BAZ1A: variants seen among roughly 807,000 people sequenced by gnomAD.
BAZ1A encodes the protein bromodomain adjacent to zinc finger domain protein 1A.
BAZ1A carries 50 observed loss-of-function variants against 185.2 expected under a neutral mutation model. The observed-to-expected ratio is 0.27, with a 90% CI of 0.22 to 0.34. The LOEUF is 0.34. Ranked by LOEUF, BAZ1A falls within the 10% of genes least tolerant of loss-of-function variation. The probability of loss-of-function intolerance (pLI) is 1.00; values close to 1 mark genes in which losing one functional copy is unlikely to be tolerated. For synonymous variants in BAZ1A, 571 were observed against 615.6 expected (o/e 0.93, Z 1.07); for missense variants, 1,356 against 1,839.9 (o/e 0.74, Z 4.81).
Position 34,787,893 on chromosome 14 carries a change from TTC to T in BAZ1A, c.1511-1674_1511-1673del, listed in dbSNP as rs1034703141. Among the ~76,000 whole-genome samples the T allele has an allele frequency of 5.3e-4, 81 of 152,328 alleles. 1 individual carries two copies. The highest frequency in any genetic ancestry group is 1.8e-3 in the African/African-American group (76 of 41,576). ...CAAAATGTCAAGCTATGAAAAACCC[TTC>T]TGTTATATCATAGTACAGTGTACAC... is the stretch of plus-strand genomic sequence containing the variant. On this transcript the variant is annotated intron_variant, in intron 12 of 26. Transcript: ENST00000360310.
chr14:34,755,786 G>A (rs1594802441), intron 25 of BAZ1A, among the ~76,000 whole-genome samples: 1 of 150,488 alleles, frequency 6.6e-6, no homozygotes, highest in African/African-American at 2.4e-5. Flanking sequence ...GTTTGATTAG[G>A]CCATCACTGT....
chr14:34,796,177 C>CACAT (rs1276025621), intron 9 of BAZ1A, among the ~76,000 whole-genome samples: 121 of 151,640 alleles, frequency 8.0e-4, no homozygotes, highest in African/African-American at 2.8e-3. Flanking sequence ...CACACACACA[C>CACAT]ACACACACAC....
chr14:34,861,964 T>C (rs1391627526), intron 3 of BAZ1A, 80 bp downstream of exon 3: 3 of 1,475,768 alleles, frequency 2.0e-6, no homozygotes, highest in Non-Finnish European at 2.8e-6. Context: ...AAGATTTCCT[T>C]AGGTCACCAC....
intron 4 of BAZ1A, among the ~76,000 whole-genome samples, chr14:34,823,843 G>T (rs1015437653): frequency 2.0e-5 from 3 of 151,916 alleles, no homozygotes; most frequent in African/African-American, 7.3e-5. Flanking sequence ...TATTATTAAT[G>T]AATAATTGCA....
intron 4 of BAZ1A, among the ~76,000 whole-genome samples, chr14:34,824,313 G>A (rs1200400): frequency 0.28 from 37,995 of 137,738 alleles, 5,750 homozygotes; most frequent in Middle Eastern, 0.41. Context: ...GTTTGAAGCT[G>A]CAGTGAGCTA....
chr14:34,850,321 C>T (rs146259998), intron 3 of BAZ1A, among the ~76,000 whole-genome samples: 1 of 152,076 alleles, frequency 6.6e-6, no homozygotes, highest in African/African-American at 2.4e-5. Context: ...GAAATTGCAG[C>T]GACCTGAGAT....
At chr14:34,795,795 C>A (rs1467751036) in intron 9 of BAZ1A, 30 bp from the exon 10 acceptor site, 5 of 1,537,590 alleles carry the variant, frequency 3.3e-6, no homozygotes. Flanking sequence ...AATAACAATT[C>A]ATGTAAGAAA....
At position 34,825,447 on chromosome 14, in the gene BAZ1A, CAAAAAAAAAAAA is replaced by C. The variant is rs35449855; in HGVS notation, c.536+554_536+565del. Among the ~76,000 whole-genome samples the C allele has an allele frequency of 4.1e-4, 23 of 55,430 alleles. 1 individual carries two copies. The South Asian group carries it at 6.9e-3, about 17-fold the overall frequency. The allele number at this position is 55,430 out of a possible 152,430, so 36.4% of individuals were successfully genotyped here. On this transcript the variant is annotated intron_variant, in intron 4 of 26. Coordinates refer to ENST00000360310, the MANE Select transcript of BAZ1A (RefSeq NM_013448.3). Reference sequence around the variant, plus strand: ...GGGCAACAAGATGGAAACTCTGTCTCAAAAAAAAAAAAAAAAAAAAAAAAAAAAAGAGGGTGG... The same window carrying C: ...GGGCAACAAGATGGAAACTCTGTCTCAAAAAAAAAAAAAAAAAGAGGGTGG...
At chr14:34,755,499 A>G (rs1197188876) in intron 25 of BAZ1A, among the ~76,000 whole-genome samples, 2 of 152,120 alleles carry the variant, frequency 1.3e-5, no homozygotes, top group Non-Finnish European at 2.9e-5. Flanking sequence ...ACCGTATAGC[A>G]TATTCCTTTC....
intron 4 of BAZ1A, among the ~76,000 whole-genome samples, chr14:34,817,226 A>G (rs891259860): frequency 2.0e-5 from 3 of 150,186 alleles, no homozygotes; most frequent in Non-Finnish European, 4.5e-5. Flanking sequence ...ATATAAATCA[A>G]TACACCCCCC....
rs2043018366 is a variant in BAZ1A, at chr14:34,874,865, C to T, written c.-58-203G>A. 2 of 374,096 alleles carry T rather than the reference C, an allele frequency of 5.3e-6. No individual in the cohort carries two copies. Among genetic ancestry groups the T allele is most frequent in the Non-Finnish European group, 9.6e-6 (2 of 208,236 alleles). The allele number at this position is 374,096 out of a possible 1,614,324, so 23.2% of individuals were successfully genotyped here. A position where few individuals can be genotyped will look rare whatever the true frequency, so the allele number is the denominator to read the frequency against. ...GCCGCCCCTGCCCCCCGAGCGCGCC[C>T]TACCTCCTCTCGTCCTGCCGCCGCC... On this transcript the variant is annotated intron_variant, in intron 1 of 26. Coordinates refer to ENST00000360310, the MANE Select transcript of BAZ1A (RefSeq NM_013448.3). The surrounding 1 kb of genome is among the most constrained non-coding windows in gnomAD (Gnocchi z 4.7).
chr14:34,813,036 A>C (rs977019321), intron 4 of BAZ1A, among the ~76,000 whole-genome samples: 1 of 152,170 alleles, frequency 6.6e-6, no homozygotes, highest in African/African-American at 2.4e-5. Context: ...CTGTGGTATG[A>C]AAAGCACTGT....
intron 3 of BAZ1A, among the ~76,000 whole-genome samples, chr14:34,850,401 G>A (rs1195552824): frequency 1.3e-5 from 2 of 152,096 alleles, no homozygotes; most frequent in Non-Finnish European, 1.5e-5. Flanking sequence ...CAAACAAAAA[G>A]TTCAAAGAGG....
chr14:34,803,058 T>C, intron 6 of BAZ1A, 70 bp from the exon 7 acceptor site: 1 of 1,433,302 alleles, frequency 7.0e-7, no homozygotes, highest in South Asian at 1.2e-5. Flanking sequence ...TGCCCTAACA[T>C]GTCATATGGC....
chr14:34,832,185 TAC>T (rs1436351180), intron 3 of BAZ1A, among the ~76,000 whole-genome samples: 3 of 86,072 alleles, frequency 3.5e-5, no homozygotes, highest in African/African-American at 7.8e-5. Flanking sequence ...TATACATATA[TAC>T]ATATACACAC....
Position 34,763,655 on chromosome 14 carries a change from T to G in BAZ1A, c.3776+1052A>C, listed in dbSNP as rs114960466. Among the ~76,000 whole-genome samples, 387 of 152,340 alleles carry G rather than the reference T, an allele frequency of 2.5e-3. 1 individual carries two copies. Among genetic ancestry groups the G allele is most frequent in the African/African-American group, 8.9e-3 (371 of 41,582 alleles). ...ACTGAAGGTTTGTGGCAATTCTGCATCAAGCAAGTTTATTGGCATAATTTT... is the reference window on the plus strand; with the variant it reads ...ACTGAAGGTTTGTGGCAATTCTGCAGCAAGCAAGTTTATTGGCATAATTTT... On this transcript the variant is annotated intron_variant, in intron 23 of 26. Coordinates refer to ENST00000360310, the MANE Select transcript of BAZ1A (RefSeq NM_013448.3).
chr14:34,790,150 C>T (rs1053688321), intron 12 of BAZ1A, among the ~76,000 whole-genome samples: 1 of 150,828 alleles, frequency 6.6e-6, no homozygotes, highest in Non-Finnish European at 1.5e-5. Context: ...TCCTCCCTAA[C>T]ATTTAAATAA....
rs950131372 is a variant in BAZ1A at position 34,874,853 on chromosome 14, C to G, written c.-58-191G>C. The G allele has an allele frequency of 2.2e-5, 9 of 406,294 alleles. No individual in the cohort carries two copies. In the East Asian group the frequency reaches 4.3e-4, roughly 19 times the overall value. The allele number at this position is 406,294 out of a possible 1,614,324, so 25.2% of individuals were successfully genotyped here. ...AGCGGAGCCGCCGCCGCCCCTGCCCCCCGAGCGCGCCCTACCTCCTCTCGT... is the reference window on the plus strand; with the variant it reads ...AGCGGAGCCGCCGCCGCCCCTGCCCGCCGAGCGCGCCCTACCTCCTCTCGT... On this transcript the variant is annotated intron_variant, in intron 1 of 26. Transcript: ENST00000360310. This position sits in a 1 kb window ranked among gnomAD's most constrained non-coding sequence, Gnocchi z 4.7.
At chr14:34,860,240 AGCTCAG>A (rs2042745859) in intron 3 of BAZ1A, among the ~76,000 whole-genome samples, 1 of 152,008 alleles carries the variant, frequency 6.6e-6, no homozygotes, top group Non-Finnish European at 1.5e-5. Flanking sequence ...TGGGCTTGGT[AGCTCAG>A]CCTGTAATCC....
Sources: gnomAD v4.1 joint callset for allele counts (sites outside exome capture counted in the v4.1 genomes callset) on GRCh38, gnomAD v4.1.1 for gene constraint, Gnocchi (gnomAD v3.1) non-coding constraint, MANE v1.5 for transcripts, NCBI Gene and HGNC (gene_info 2026-07-23, HGNC 2026-07-21) for gene names.